The following IQSEC1 variants were observed in gnomAD, a reference collection of about 807,000 sequenced individuals.
IQSEC1 encodes IQ motif and Sec7 domain ArfGEF 1.
IQSEC1 carries 31 observed loss-of-function variants against 91.0 expected under a neutral mutation model. The observed-to-expected ratio is 0.34, with a 90% confidence interval of 0.26 to 0.46. The LOEUF is 0.46. Among genes scored for constraint, IQSEC1 ranks in the 20% least tolerant of loss-of-function variants. The probability of loss-of-function intolerance (pLI) is 1.00; values close to 1 mark genes in which losing one functional copy is unlikely to be tolerated. For missense variants in IQSEC1, 1,388 were observed against 1,575.6 expected, an observed-to-expected ratio of 0.88 and a Z score of 2.02; for synonymous variants, 699 against 662.6, an observed-to-expected ratio of 1.05 and a Z score of -0.84.
At chr3:13,079,572 C>T (rs1705617348) in intron 2 of IQSEC1, among the ~76,000 whole-genome samples, 1 of 152,198 alleles carries the variant, frequency 6.6e-6, no homozygotes. Flanking sequence ...AACATCCCAC[C>T]TTGGACCTGA....
chr3:12,938,867 G>C (rs1698486179), intron 2 of IQSEC1, among the ~76,000 whole-genome samples: 1 of 152,136 alleles, frequency 6.6e-6, no homozygotes, highest in South Asian at 2.1e-4. Flanking sequence ...GGCAGCAATG[G>C]GCTCTGCATT....
intron 1 of IQSEC1, among the ~76,000 whole-genome samples, chr3:13,198,662 G>A (rs1694179374): frequency 1.3e-5 from 2 of 152,180 alleles, no homozygotes; most frequent in Non-Finnish European, 2.9e-5. Flanking sequence ...CAGCTCTCAT[G>A]CCGGCTGGCT....
At chr3:13,271,564 G>C (rs1204632176) in intron 1 of IQSEC1, among the ~76,000 whole-genome samples, 1 of 152,148 alleles carries the variant, frequency 6.6e-6, no homozygotes, top group Non-Finnish European at 1.5e-5. Context: ...GGGAGGCCAA[G>C]GTGGAAGTAT....
At chr3:12,957,588 G>T (rs1277937523) in intron 1 of IQSEC1, among the ~76,000 whole-genome samples, 2 of 152,220 alleles carry the variant, frequency 1.3e-5, no homozygotes. Context: ...GGAGAGCCAG[G>T]CTGGAGGCAC....
At chr3:13,020,294 C>G (rs1249715607) in intron 1 of IQSEC1, among the ~76,000 whole-genome samples, 3 of 152,188 alleles carry the variant, frequency 2.0e-5, no homozygotes, top group Non-Finnish European at 4.4e-5. Flanking sequence ...TGACTCACTC[C>G]AGGGCTGAGC....
At chr3:13,206,251 T>C (rs74370290) in intron 1 of IQSEC1, among the ~76,000 whole-genome samples, 4,045 of 145,778 alleles carry the variant, frequency 0.028, 88 homozygotes, top group East Asian at 0.067. Context: ...GTATATAGGG[T>C]GTGGCACTAA....
At chr3:12,963,714 C>T (rs901414774) in intron 1 of IQSEC1, among the ~76,000 whole-genome samples, 4 of 152,162 alleles carry the variant, frequency 2.6e-5, no homozygotes, top group African/African-American at 9.7e-5. Context: ...TTTGTGTGAT[C>T]CCCAAGTCCT....
intron 1 of IQSEC1, among the ~76,000 whole-genome samples, chr3:13,172,892 G>A (rs137894933): frequency 8.3e-4 from 126 of 152,302 alleles, no homozygotes; most frequent in African/African-American, 2.8e-3. Context: ...CCTGGGAGTG[G>A]TAACTGCCCA....
rs1484316644 is a variant in IQSEC1 at position 12,967,875 on chromosome 3, GGAA to G, written c.24-26013_24-26011del. Among the ~76,000 whole-genome samples, 2 of 146,810 alleles carry G rather than the reference GGAA, an allele frequency of 1.4e-5. No homozygotes were observed. Among genetic ancestry groups the G allele is most frequent in the African/African-American group, 2.5e-5 (1 of 39,488 alleles). On this transcript the variant is annotated intron_variant, in intron 1 of 13. Coordinates refer to ENST00000613206, the MANE Select transcript of IQSEC1 (RefSeq NM_001134382.3). The surrounding 1 kb of genome is among the most constrained non-coding windows in gnomAD (Gnocchi z 5.9). ...AGGAGGCGTGGCCACACGGCGCCGC[GGAA>G]GAAGCACAGGGGGCGGGGGGTCAGG...
chr3:13,246,769 A>G (rs557084244), intron 1 of IQSEC1, among the ~76,000 whole-genome samples: 1 of 152,192 alleles, frequency 6.6e-6, no homozygotes, highest in East Asian at 1.9e-4. Context: ...GCGATGTCCT[A>G]TCCTCGCAGA....
intron 2 of IQSEC1, among the ~76,000 whole-genome samples, chr3:12,938,132 G>T (rs2125324648): frequency 6.6e-6 from 1 of 152,366 alleles, no homozygotes. Context: ...CTCTTGGGGT[G>T]CTGGGGTGGC....
chr3:13,028,675 G>A (rs1703723986), intron 1 of IQSEC1, among the ~76,000 whole-genome samples: 1 of 152,228 alleles, frequency 6.6e-6, no homozygotes, highest in South Asian at 2.1e-4. Flanking sequence ...CCCTTCTGAG[G>A]GTTCTGACAC....
chr3:12,922,158 C>G lies in IQSEC1; in HGVS notation c.1815G>C (p.Gly605=). Residue 605 remains glycine (G), a synonymous_variant, in exon 5 of 14, where the codon GGG becomes GGC. Coordinates refer to ENST00000613206, the MANE Select transcript of IQSEC1 (RefSeq NM_001134382.3). This position sits in a 1 kb window ranked among gnomAD's most constrained non-coding sequence, Gnocchi z 5.1. ...RKFQAHIRVQ[G]EAQKVERLIE... is the part of the protein sequence containing the mutation. Reference sequence around the variant, plus strand: ...TGAGCCGCTCCACTTTCTGAGCCTCCCCTTGGACACGGATGTGCGCCTGGA... The same window carrying G: ...TGAGCCGCTCCACTTTCTGAGCCTCGCCTTGGACACGGATGTGCGCCTGGA... 2 of 1,610,406 alleles carry G rather than the reference C, an allele frequency of 1.2e-6. No homozygotes were observed. Among genetic ancestry groups the G allele is most frequent in the Non-Finnish European group, 1.7e-6 (2 of 1,177,576 alleles).
intron 1 of IQSEC1, among the ~76,000 whole-genome samples, chr3:12,975,346 G>A (rs149159496): frequency 1.3e-4 from 20 of 152,318 alleles, no homozygotes; most frequent in African/African-American, 2.2e-4. Flanking sequence ...TGGGCAAGTG[G>A]TTTGGTCTTC....
chr3:13,281,869 C>T (rs895439625), intron 1 of IQSEC1, among the ~76,000 whole-genome samples: 38 of 152,312 alleles, frequency 2.5e-4, no homozygotes, highest in African/African-American at 7.9e-4. Flanking sequence ...AGGCAGAGGG[C>T]ACAGAGCAGC....
At chr3:13,159,382 T>A (rs1229140968) in intron 2 of IQSEC1, among the ~76,000 whole-genome samples, 1 of 152,036 alleles carries the variant, frequency 6.6e-6, no homozygotes, top group Non-Finnish European at 1.5e-5. Flanking sequence ...TGAGCCGAGA[T>A]CACGTCACTG....
chr3:13,167,477 G>C (rs1693518822), intron 1 of IQSEC1, among the ~76,000 whole-genome samples: 1 of 152,100 alleles, frequency 6.6e-6, no homozygotes, highest in East Asian at 1.9e-4. Flanking sequence ...AGTGGCTGAA[G>C]GCTGCTCCTG....
At chr3:13,178,975 TC>T (rs1226325977) in intron 1 of IQSEC1, among the ~76,000 whole-genome samples, 1 of 152,208 alleles carries the variant, frequency 6.6e-6, no homozygotes, top group African/African-American at 2.4e-5. Context: ...GATCACCACA[TC>T]CAGACAGTGA....
In IQSEC1 at chr3:13,030,239, G is replaced by A. The variant is rs372352337; in HGVS notation, c.23+42753C>T. Among the ~76,000 whole-genome samples, 196 of 152,168 alleles carry A rather than the reference G, an allele frequency of 1.3e-3. 1 individual carries two copies. The highest frequency in any genetic ancestry group is 4.5e-3 in the African/African-American group (185 of 41,516). On this transcript the variant is annotated intron_variant, in intron 1 of 13. Coordinates refer to ENST00000613206, the MANE Select transcript of IQSEC1 (RefSeq NM_001134382.3). ...CAGCCTCCTGAGTAGCTGGGATTAC[G>A]GGCATGCACCACCACACGTAGCTAT...
Sources: allele counts gnomAD v4.1 joint callset (sites outside exome capture counted in the v4.1 genomes callset), GRCh38; gene constraint gnomAD v4.1.1; non-coding constraint Gnocchi (gnomAD v3.1); transcripts MANE v1.5; gene names NCBI Gene and HGNC (gene_info 2026-07-23, HGNC 2026-07-21).